Variants in PBX3 observed in about 807,000 individuals in gnomAD.
PBX3 encodes pre-B-cell leukemia transcription factor 3.
PBX3 carries 14 observed loss-of-function variants against 48.5 expected under a neutral mutation model. The ratio of observed to expected loss-of-function variants is 0.29; its 90% confidence interval spans 0.19 to 0.45. The LOEUF (loss-of-function observed/expected upper bound fraction) is 0.45. PBX3 is among the 20% of genes least tolerant of loss of function. The pLI, the probability that PBX3 is intolerant of heterozygous loss-of-function variation, is 1.00. For missense variants in PBX3, 386 were observed against 546.7 expected (o/e 0.71, Z 2.93); for synonymous variants, 210 against 200.3 (o/e 1.05, Z -0.41).
rs531078064 is a variant in PBX3, at chr9:125,928,133, A to C, written c.517-1522A>C. Among the ~76,000 whole-genome samples the C allele has an allele frequency of 2.0e-5, 3 of 151,624 alleles. 1 individual carries two copies. In the South Asian group the frequency reaches 6.3e-4, roughly 32 times the overall value. Reference sequence around the variant, plus strand: ...AGGAGGCGGAGGCTGCAGTGAGCCGAGATCACACCACTGCACTCCAACACT... The same window carrying C: ...AGGAGGCGGAGGCTGCAGTGAGCCGCGATCACACCACTGCACTCCAACACT... On this transcript the variant is annotated intron_variant, in intron 3 of 8. Transcript: ENST00000373489.
At chr9:125,928,218 A>G (rs1346853804) in intron 3 of PBX3, among the ~76,000 whole-genome samples, 1 of 151,978 alleles carries the variant, frequency 6.6e-6, no homozygotes, top group Non-Finnish European at 1.5e-5. Context: ...ATAATAAAAA[A>G]TACATAAAAA....
chr9:125,787,412 T>C (rs543765998), intron 2 of PBX3, among the ~76,000 whole-genome samples: 8 of 152,276 alleles, frequency 5.3e-5, no homozygotes, highest in African/African-American at 1.9e-4. Context: ...CTGGAATAGT[T>C]ACTCCAGATA....
intron 2 of PBX3, among the ~76,000 whole-genome samples, chr9:125,808,658 C>T (rs534694482): frequency 2.0e-5 from 3 of 151,848 alleles, no homozygotes; most frequent in African/African-American, 7.3e-5. Context: ...AGAGTGAGAC[C>T]CAATCTCAAA....
chr9:125,801,141 C>T (rs1026896820), intron 2 of PBX3, among the ~76,000 whole-genome samples: 4 of 152,144 alleles, frequency 2.6e-5, no homozygotes, highest in African/African-American at 7.2e-5. Context: ...AACTCTGTAG[C>T]TCCTTCTATT....
intron 2 of PBX3, among the ~76,000 whole-genome samples, chr9:125,883,685 G>A (rs1840433686): frequency 6.6e-6 from 1 of 152,150 alleles, no homozygotes; most frequent in African/African-American, 2.4e-5. Flanking sequence ...CTGTGATGGG[G>A]AAAGTAGCAA....
intron 7 of PBX3, 65 bp from the exon 8 acceptor site, chr9:125,962,947 C>A: frequency 1.2e-6 from 1 of 812,460 alleles, no homozygotes; most frequent in Non-Finnish European, 2.0e-6. Flanking sequence ...CAAATTATTT[C>A]CTTTTGTAAG....
intron 2 of PBX3, among the ~76,000 whole-genome samples, chr9:125,845,518 A>G (rs1266908243): frequency 2.6e-5 from 4 of 152,094 alleles, no homozygotes; most frequent in Admixed American, 6.6e-5. Context: ...TGGAAAATCA[A>G]ATGAACGGCT....
chr9:125,780,028 T>C (rs1588138207), intron 2 of PBX3, among the ~76,000 whole-genome samples: 1 of 117,418 alleles, frequency 8.5e-6, no homozygotes, highest in East Asian at 2.9e-4. Context: ...GAGGCGCCCC[T>C]CACCTCCCGG....
chr9:125,962,317 C>G, intron 7 of PBX3, 103 bp downstream of exon 7: 2 of 628,996 alleles, frequency 3.2e-6, no homozygotes, highest in Non-Finnish European at 5.7e-6. Context: ...CATGCAGAAC[C>G]TGTGCTGGGT....
chr9:125,817,974 G>A (rs144206752), intron 2 of PBX3, among the ~76,000 whole-genome samples: 19 of 152,224 alleles, frequency 1.2e-4, no homozygotes, highest in South Asian at 6.2e-4. Flanking sequence ...AGGCCGAGGC[G>A]GACGGATCAC....
chr9:125,912,170 A>G (rs1173208497), intron 2 of PBX3, among the ~76,000 whole-genome samples: 2 of 152,200 alleles, frequency 1.3e-5, no homozygotes, highest in Non-Finnish European at 2.9e-5. Flanking sequence ...AATCTAGCCA[A>G]TGCAGATTTC....
intron 2 of PBX3, among the ~76,000 whole-genome samples, chr9:125,782,812 A>G (rs1051441147): frequency 1.3e-5 from 2 of 152,068 alleles, no homozygotes; most frequent in Non-Finnish European, 2.9e-5. Context: ...TTGACGGACA[A>G]TTTTACCAGA....
At chr9:125,840,883 T>C (rs1395869093) in intron 2 of PBX3, among the ~76,000 whole-genome samples, 1 of 152,102 alleles carries the variant, frequency 6.6e-6, no homozygotes, top group Non-Finnish European at 1.5e-5. Flanking sequence ...TATTCCTCCT[T>C]TGTGAAATTA....
At chr9:125,910,504 C>A (rs1841178478) in intron 2 of PBX3, among the ~76,000 whole-genome samples, 1 of 151,750 alleles carries the variant, frequency 6.6e-6, no homozygotes, top group East Asian at 1.9e-4. Context: ...TGCATTTTTC[C>A]TCAATAGAGA....
chr9:125,810,615 C>T (rs113280125), intron 2 of PBX3, among the ~76,000 whole-genome samples: 3,920 of 152,074 alleles, frequency 0.026, 65 homozygotes, highest in Middle Eastern at 0.051. Flanking sequence ...GGGTAGTTAC[C>T]CAGCATCTTT....
intron 2 of PBX3, among the ~76,000 whole-genome samples, chr9:125,903,856 C>G (rs574481558): frequency 1.3e-5 from 2 of 151,912 alleles, no homozygotes; most frequent in East Asian, 3.9e-4. Context: ...GACTGTAAAG[C>G]CAGACTGTCC....
intron 2 of PBX3, among the ~76,000 whole-genome samples, chr9:125,765,064 G>T (rs1472821550): frequency 6.6e-6 from 1 of 151,968 alleles, no homozygotes; most frequent in African/African-American, 2.4e-5. Context: ...GGCTCCAGAA[G>T]CAGATTATAT....
chr9:125,832,425 T>C (rs143256096), intron 2 of PBX3, among the ~76,000 whole-genome samples: 6 of 152,002 alleles, frequency 3.9e-5, no homozygotes, highest in Non-Finnish European at 8.8e-5. Context: ...TCGATCTCCT[T>C]ACCTCGTGAT....
chr9:125,748,979 G>A, intron 2 of PBX3: 1 of 201,990 alleles, frequency 5.0e-6, no homozygotes, highest in South Asian at 1.0e-4. Flanking sequence ...TGGATGCCAG[G>A]ACCGAGTCCC....
Sources: gnomAD v4.1 joint callset for allele counts (sites outside exome capture counted in the v4.1 genomes callset) on GRCh38, gnomAD v4.1.1 for gene constraint, MANE v1.5 for transcripts, NCBI Gene and HGNC (gene_info 2026-07-23, HGNC 2026-07-21) for gene names.